Variants in PDE4D observed in about 807,000 individuals in gnomAD.
The protein encoded by PDE4D is 3',5'-cyclic-AMP phosphodiesterase 4D.
In PDE4D, 24 loss-of-function variants were observed where a neutral mutation model predicts 87.4. The ratio of observed to expected loss-of-function variants is 0.27; its 90% CI spans 0.20 to 0.39. The LOEUF is 0.39. PDE4D is among the 10% of genes least tolerant of loss of function. The pLI is 1.00. For synonymous variants in PDE4D, 384 were observed against 383.2 expected (o/e 1.00, Z -0.02); for missense variants, 714 against 1,041.0 (o/e 0.69, Z 4.32).
rs1491378347 is a variant in PDE4D, at chr5:59,771,470, A to AG, written c.455+121697_455+121698insC. Among the ~76,000 whole-genome samples the AG allele has an allele frequency of 4.7e-4, 43 of 92,394 alleles. 1 individual carries two copies. The South Asian group carries it at 9.0e-3, about 19-fold the overall frequency. 60.6% of individuals were successfully genotyped at this position (92,394 alleles called of 152,430 possible). A position where few individuals can be genotyped will look rare whatever the true frequency, so the allele number is the denominator to read the frequency against. On this transcript the variant is annotated intron_variant, in intron 1 of 14. Transcript: ENST00000340635. Reference sequence around the variant, plus strand: ...GAAAGAAAGAAAGAAAGAAAGAAAGAAAGAAAGAAAGAAAGAGAGAGAGAG... The same window carrying AG: ...GAAAGAAAGAAAGAAAGAAAGAAAGAGAAGAAAGAAAGAAAGAGAGAGAGAG...
rs187687929 is a variant in PDE4D, at chr5:59,575,684, G to A, written c.455+317484C>T. On this transcript the variant is annotated intron_variant, in intron 1 of 14. Transcript: ENST00000340635. ...TAAAAACCTGAAATTAATATTAAAAGCCGTAAATTCCCAGGACACAATTCT... is the reference window on the plus strand; with the variant it reads ...TAAAAACCTGAAATTAATATTAAAAACCGTAAATTCCCAGGACACAATTCT... Among the ~76,000 whole-genome samples the A allele has an allele frequency of 2.7e-4, 41 of 152,196 alleles. 1 individual carries two copies. The East Asian group carries it at 2.9e-3, about 11-fold the overall frequency.
intron 1 of PDE4D, among the ~76,000 whole-genome samples, chr5:59,303,447 G>A (rs1770663315): frequency 6.6e-6 from 1 of 151,986 alleles, no homozygotes; most frequent in East Asian, 1.9e-4. Context: ...TTGGGTTCTT[G>A]GTCATGAAAT....
chr5:59,900,263 TACACACACAC>T (rs765524262), intron 3 of PDE4D, among the ~76,000 whole-genome samples: 1 of 135,798 alleles, frequency 7.4e-6, no homozygotes, highest in Non-Finnish European at 1.5e-5. Flanking sequence ...TATATATATA[TACACACACAC>T]ACACACACAC....
At chr5:60,322,842 T>G (rs896058116) in intron 1 of PDE4D, among the ~76,000 whole-genome samples, 42 of 152,262 alleles carry the variant, frequency 2.8e-4, no homozygotes, top group African/African-American at 9.9e-4. Flanking sequence ...CACTCCAGTC[T>G]ACCTTTTTCC....
chr5:59,200,013 A>G (rs548833921), intron 2 of PDE4D, among the ~76,000 whole-genome samples: 514 of 118,216 alleles, frequency 4.3e-3, no homozygotes, highest in African/African-American at 0.013. Flanking sequence ...CAACATACAT[A>G]CATGCACATA....
intron 1 of PDE4D, among the ~76,000 whole-genome samples, chr5:59,755,283 T>G (rs1296765310): frequency 6.6e-6 from 1 of 152,160 alleles, no homozygotes; most frequent in Non-Finnish European, 1.5e-5. Context: ...TAGCTAAACT[T>G]GAATCTATTT....
At chr5:59,964,602 C>T (rs1348474713) in intron 3 of PDE4D, among the ~76,000 whole-genome samples, 2 of 152,232 alleles carry the variant, frequency 1.3e-5, no homozygotes, top group South Asian at 2.1e-4. Context: ...TCTACTCTGC[C>T]TCTAAATATC....
chr5:59,799,481 T>G (rs188013355), intron 1 of PDE4D, among the ~76,000 whole-genome samples: 380 of 152,302 alleles, frequency 2.5e-3, no homozygotes, highest in South Asian at 4.1e-3. Context: ...GAACCTGAAA[T>G]GCAGGTTTGG....
chr5:59,039,666 A>C, intron 5 of PDE4D: 4 of 285,432 alleles, frequency 1.4e-5, no homozygotes, highest in Non-Finnish European at 2.1e-5. Context: ...CGAATTGCAA[A>C]AGCCTGTCCC....
intron 6 of PDE4D, among the ~76,000 whole-genome samples, chr5:59,021,844 A>T (rs549525347): frequency 9.1e-4 from 138 of 152,294 alleles, no homozygotes; most frequent in African/African-American, 3.2e-3. Flanking sequence ...CCTATGATAT[A>T]TTAGAACAAA....
At chr5:59,792,402 CTGTGTGTGTGTGTG>C (rs3062592) in intron 1 of PDE4D, among the ~76,000 whole-genome samples, 3 of 138,856 alleles carry the variant, frequency 2.2e-5, no homozygotes, top group South Asian at 4.7e-4. Flanking sequence ...CTCCAAGAAG[CTGTGTGTGTGTGTG>C]TGTGTGTGTG....
intron 3 of PDE4D, among the ~76,000 whole-genome samples, chr5:59,922,455 C>T (rs1048795126): frequency 6.6e-6 from 1 of 152,058 alleles, no homozygotes; most frequent in Non-Finnish European, 1.5e-5. Flanking sequence ...CTTCCCTCCA[C>T]CTAAGGAGAG....
chr5:60,070,046 T>C (rs1381673017), intron 2 of PDE4D, among the ~76,000 whole-genome samples: 1 of 152,172 alleles, frequency 6.6e-6, no homozygotes, highest in Non-Finnish European at 1.5e-5. Flanking sequence ...GTAATTTCAC[T>C]AAATTCATTT....
intron 1 of PDE4D, among the ~76,000 whole-genome samples, chr5:59,708,204 G>A (rs1373119267): frequency 1.3e-5 from 2 of 152,098 alleles, no homozygotes; most frequent in African/African-American, 4.8e-5. Flanking sequence ...TTTCTCAAAT[G>A]ATCAGTGATG....
chr5:59,560,058 A>C (rs1460013308), intron 1 of PDE4D, among the ~76,000 whole-genome samples: 6 of 152,180 alleles, frequency 3.9e-5, no homozygotes, highest in Non-Finnish European at 5.9e-5. Context: ...CTTGTTTTGC[A>C]ATGTTTCTGA....
intron 1 of PDE4D, among the ~76,000 whole-genome samples, chr5:59,598,757 T>A (rs1463402532): frequency 6.6e-6 from 1 of 151,530 alleles, no homozygotes; most frequent in Non-Finnish European, 1.5e-5. Context: ...AGTGAAACAG[T>A]GGACTAGGAC....
chr5:60,136,009 G>A (rs1477297055), intron 2 of PDE4D, among the ~76,000 whole-genome samples: 3 of 152,094 alleles, frequency 2.0e-5, no homozygotes, highest in Non-Finnish European at 4.4e-5. Flanking sequence ...ATTTTTCATT[G>A]TACAGGATAT....
chr5:59,039,487 GC>G, intron 5 of PDE4D: 1 of 985,604 alleles, frequency 1.0e-6, no homozygotes, highest in Non-Finnish European at 1.2e-6. Context: ...GAATGAATCA[GC>G]CGCGGCCGGG....
At chr5:59,167,236 CCT>C (rs1782053624) in intron 5 of PDE4D, among the ~76,000 whole-genome samples, 1 of 152,156 alleles carries the variant, frequency 6.6e-6, no homozygotes, top group Non-Finnish European at 1.5e-5. Context: ...TTTTCTGACC[CCT>C]GAGTCTTGTT....
Sources: gnomAD v4.1 joint callset for allele counts (sites outside exome capture counted in the v4.1 genomes callset) on GRCh38, gnomAD v4.1.1 for gene constraint, MANE v1.5 for transcripts, NCBI Gene and HGNC (gene_info 2026-07-23, HGNC 2026-07-21) for gene names.